Variants in FARP2 observed in about 807,000 individuals in gnomAD.
FARP2 encodes the protein FERM, ARH/RhoGEF and pleckstrin domain protein 2, also known as FERM, ARHGEF and pleckstrin domain-containing protein 2.
A neutral mutation model predicts 130.5 loss-of-function variants in FARP2; 111 were observed. The ratio of observed to expected loss-of-function variants is 0.85; its 90% CI spans 0.73 to 1.00. The LOEUF (loss-of-function observed/expected upper bound fraction) is 1.00. Among genes scored for constraint, FARP2 ranks in the 50% least tolerant of loss-of-function variants. The pLI is 0.00. For missense variants in FARP2, 1,385 were observed against 1,346.3 expected, an observed-to-expected ratio of 1.03 and a Z score of -0.45; for synonymous variants, 504 against 516.9, an observed-to-expected ratio of 0.98 and a Z score of 0.34.
chr2:241,411,039 G>C lies in FARP2; in HGVS notation c.417G>C (p.Leu139Phe). Reference protein sequence around the residue: ...GQLQEEYTRYLFALQLKRDLL... With the variant: ...GQLQEEYTRYFFALQLKRDLL... The stretch of plus-strand genomic sequence containing the variant: ...ATTTTGAACTCTCTTCTAGATACTT[G>C]TTTGCCTTGCAACTTAAGAGAGACC... The change falls in exon 6 of 27, where the codon TTG becomes TTC. Residue 139 changes from leucine to phenylalanine, a missense_variant. Coordinates refer to ENST00000264042, the MANE Select transcript of FARP2 (RefSeq NM_014808.4). The C allele has an allele frequency of 6.2e-7, 1 of 1,606,610 alleles. No homozygotes were observed. Among genetic ancestry groups the C allele is most frequent in the Non-Finnish European group, 8.5e-7 (1 of 1,174,994 alleles).
chr2:241,382,312 TGAGGCAGGG>T (rs2061681874), intron 2 of FARP2, among the ~76,000 whole-genome samples: 8 of 150,120 alleles, frequency 5.3e-5, no homozygotes, highest in African/African-American at 2.0e-4. Context: ...TTTTTTTTTT[TGAGGCAGGG>T]TCTCATTCTG....
intron 1 of FARP2, among the ~76,000 whole-genome samples, chr2:241,367,718 A>G (rs531095284): frequency 6.6e-6 from 1 of 152,188 alleles, no homozygotes; most frequent in African/African-American, 2.4e-5. Context: ...TGCAAAATAG[A>G]AATGTTAGCC....
Position 241,494,181 on chromosome 2 carries a change from G to T in FARP2, c.*56G>T. ...ACAAAGAACAGCAGGACACAGAGGTGACCTCTGTCCTGAGGCTTCTCAACA... is the reference window on the plus strand; with the variant it reads ...ACAAAGAACAGCAGGACACAGAGGTTACCTCTGTCCTGAGGCTTCTCAACA... On this transcript the variant is annotated 3_prime_UTR_variant, in exon 27 of 27. Coordinates refer to ENST00000264042, the MANE Select transcript of FARP2 (RefSeq NM_014808.4). The surrounding 1 kb of genome is among the most constrained non-coding windows in gnomAD (Gnocchi z 4.9). 8.9e-7 allele frequency: 1 copy of T among 1,121,420 alleles called. No homozygotes were observed. The highest frequency in any genetic ancestry group is 1.9e-5 in the South Asian group (1 of 52,716). 69.5% of individuals were successfully genotyped at this position (1,121,420 alleles called of 1,614,324 possible).
At chr2:241,474,801 T>TTAATA (rs2064412502) in intron 18 of FARP2, among the ~76,000 whole-genome samples, 2 of 140,326 alleles carry the variant, frequency 1.4e-5, no homozygotes, top group Admixed American at 1.5e-4. Flanking sequence ...CTAATAATAA[T>TTAATA]AATAAATAAA....
rs1471024782 is a variant in FARP2 at position 241,475,922 on chromosome 2, C to T, written c.2197C>T (p.Leu733=). The T allele has an allele frequency of 6.2e-7, 1 of 1,613,962 alleles. No homozygotes were observed. Among genetic ancestry groups the T allele is most frequent in the African/African-American group, 1.3e-5 (1 of 74,914 alleles). ...LQHILIRLEN[L]QKLTELQRDL... is the part of the protein sequence containing the mutation. ...GCACATTCTCATCCGGCTGGAGAAC[C>T]TGCAGAAGCTAACGGAGCTGCAGCG... Residue 733 remains leucine, a synonymous_variant, in exon 19 of 27, where the codon CTG becomes TTG. Transcript: ENST00000264042. The surrounding 1 kb of genome is among the most constrained non-coding windows in gnomAD (Gnocchi z 4.4).
intron 17 of FARP2, chr2:241,466,692 C>T (rs116571422): frequency 0.21 from 138,295 of 660,650 alleles, 17,336 homozygotes; most frequent in Middle Eastern, 0.24. Flanking sequence ...TCCAACCACC[C>T]CCCCCCCCAC....
At chr2:241,486,433 GC>G (rs1439013708) in intron 21 of FARP2, among the ~76,000 whole-genome samples, 1 of 110,414 alleles carries the variant, frequency 9.1e-6, no homozygotes, top group Admixed American at 1.4e-4. Context: ...CTGCACTCCA[GC>G]CCCAGTGACA....
Position 241,463,351 on chromosome 2 carries a change from T to A in FARP2, c.1694T>A (p.Val565Glu). The change falls in exon 16 of 27, where the codon GTG becomes GAG. Residue 565 changes from valine to glutamate, a missense_variant. By Grantham distance (121) the Val-to-Glu change is moderately radical. Coordinates refer to ENST00000264042, the MANE Select transcript of FARP2 (RefSeq NM_014808.4). ...EVITVWFRSA[V>E]VKEDAMPATL... ...TTCCCACAGTGGTTCCGCAGCGCAG[T>A]GGTGAAGGAGGACGCCATGCCTGCG... The A allele has an allele frequency of 6.2e-7, 1 of 1,614,036 alleles. No individual in the cohort carries two copies. Among genetic ancestry groups the A allele is most frequent in the Non-Finnish European group, 8.5e-7 (1 of 1,179,962 alleles).
rs115217209 is a variant in FARP2 at position 241,364,041 on chromosome 2, T to C, written c.-25+7653T>C. Among the ~76,000 whole-genome samples, 532 of 152,266 alleles carry C rather than the reference T, an allele frequency of 3.5e-3. 1 individual carries two copies. Among genetic ancestry groups the C allele is most frequent in the African/African-American group, 0.012 (515 of 41,554 alleles). On this transcript the variant is annotated intron_variant, in intron 1 of 26. Coordinates refer to ENST00000264042, the MANE Select transcript of FARP2 (RefSeq NM_014808.4). ...TTTATCCTGGGAGTATGTGACTGAT[T>C]TGGCAAAAGCACATTGCAGATGTAA...
intron 2 of FARP2, among the ~76,000 whole-genome samples, chr2:241,400,282 C>T (rs2062134416): frequency 1.3e-5 from 2 of 152,236 alleles, no homozygotes; most frequent in Admixed American, 6.5e-5. Flanking sequence ...AGTGCACACT[C>T]AAGCTCCCAC....
chr2:241,447,534 A>G (rs1319942403), intron 13 of FARP2, among the ~76,000 whole-genome samples: 1 of 152,168 alleles, frequency 6.6e-6, no homozygotes, highest in African/African-American at 2.4e-5. Flanking sequence ...CGTGCACAGA[A>G]CAGATGCTGT....
rs140462275 is a variant in FARP2 at position 241,468,333 on chromosome 2, G to A, written c.2087G>A (p.Cys696Tyr). The change falls in exon 18 of 27, where the codon TGC (cysteine) becomes TAC (tyrosine). Residue 696 changes from cysteine (C) to tyrosine (Y), a missense_variant. Transcript: ENST00000264042. ...TACCGCCTGCTGCTGCGCCGCCTATGCGGACATTACAGCCCCGGGCACCAT... is the reference window on the plus strand; with the variant it reads ...TACCGCCTGCTGCTGCGCCGCCTATACGGACATTACAGCCCCGGGCACCAT... ...LHYRLLLRRLCGHYSPGHHDY... is the reference protein window; with the variant it reads ...LHYRLLLRRLYGHYSPGHHDY... The A allele has an allele frequency of 6.1e-5, 99 of 1,613,502 alleles. No homozygotes were observed. The African/African-American group carries it at 1.2e-3, about 19-fold the overall frequency.
intron 7 of FARP2, among the ~76,000 whole-genome samples, chr2:241,415,989 C>CTCTGTGTGTGTGTGTG (rs764755388): frequency 8.5e-5 from 12 of 141,788 alleles, no homozygotes; most frequent in South Asian, 2.4e-4. Flanking sequence ...CAGGGTAGTT[C>CTCTGTGTGTGTGTGTG]TGTGTGTGTG....
At position 241,422,783 on chromosome 2, in the gene FARP2, G is replaced by T. The variant is rs138033237; in HGVS notation, c.771+4674G>T. On this transcript the variant is annotated intron_variant, in intron 8 of 26. Transcript: ENST00000264042. ...TTGAGAGAAACATAACCTACCTGAT[G>T]TAGCTGAAAAACACAACACGAGAAC... 2.1e-4 allele frequency among the ~76,000 whole-genome samples: 32 copies of T among 152,268 alleles called. No individual in the cohort carries two copies. The East Asian group carries it at 5.8e-3, about 27-fold the overall frequency.
In FARP2 at chr2:241,450,438, TGGGC is replaced by T. The variant is rs2063621667; in HGVS notation, c.1412-6306_1412-6303del. ...GTCCCAGCACTTTGGGAGGCTGAGG[TGGGC>T]GGATCACGAGGTCAGGAGTTCAAGA... On this transcript the variant is annotated intron_variant, in intron 13 of 26. Coordinates refer to ENST00000264042, the MANE Select transcript of FARP2 (RefSeq NM_014808.4). Among the ~76,000 whole-genome samples, 7 of 151,670 alleles carry T rather than the reference TGGGC, an allele frequency of 4.6e-5. 1 individual carries two copies. The highest frequency in any genetic ancestry group is 4.6e-4 in the Admixed American group (7 of 15,240).
At chr2:241,481,969 T>C (rs1435206516) in intron 19 of FARP2, among the ~76,000 whole-genome samples, 1 of 152,186 alleles carries the variant, frequency 6.6e-6, no homozygotes, top group Admixed American at 6.5e-5. Flanking sequence ...AAATAATAAT[T>C]TGTTATTATT....
chr2:241,373,327 A>G (rs754971310), intron 2 of FARP2, 37 bp downstream of exon 2: 2 of 1,301,560 alleles, frequency 1.5e-6, no homozygotes, highest in African/African-American at 1.5e-5. Context: ...ATTTCCTTAT[A>G]TCTTCTAACA....
intron 13 of FARP2, among the ~76,000 whole-genome samples, chr2:241,447,617 T>A (rs544143615): frequency 6.6e-6 from 1 of 152,212 alleles, no homozygotes; most frequent in South Asian, 2.1e-4. Context: ...CCCTGTAAAT[T>A]ACAGGGGAGG....
chr2:241,428,015 C>A (rs994773376), intron 8 of FARP2, among the ~76,000 whole-genome samples: 2 of 152,078 alleles, frequency 1.3e-5, no homozygotes, highest in African/African-American at 4.8e-5. Flanking sequence ...ATCCGCCCGC[C>A]TTGGCCTCCC....
Sources: allele counts gnomAD v4.1 joint callset (sites outside exome capture counted in the v4.1 genomes callset), GRCh38; gene constraint gnomAD v4.1.1; non-coding constraint Gnocchi (gnomAD v3.1); transcripts MANE v1.5; gene names NCBI Gene and HGNC (gene_info 2026-07-23, HGNC 2026-07-21).